The following PLEKHA2 variants were observed in gnomAD, a reference collection of about 807,000 sequenced individuals.
PLEKHA2 encodes the protein pleckstrin homology domain containing A2, also known as pleckstrin homology domain-containing family A member 2.
In PLEKHA2, 28 loss-of-function variants were observed where a neutral mutation model predicts 53.2. The ratio of observed to expected loss-of-function variants is 0.53; its 90% CI spans 0.39 to 0.72. The LOEUF is 0.72. PLEKHA2 is among the 30% of genes least tolerant of loss of function. The pLI is 0.00. For missense variants in PLEKHA2, 426 were observed against 537.9 expected, an observed-to-expected ratio of 0.79 and a Z score of 2.06; for synonymous variants, 193 against 196.4, an observed-to-expected ratio of 0.98 and a Z score of 0.14.
In PLEKHA2 at chr8:38,935,977, A is replaced by C. The variant is rs189591488; in HGVS notation, c.142-17A>C. The C allele has an allele frequency of 1.6e-3, 2,620 of 1,612,734 alleles. 7 individuals are homozygous for C. Among genetic ancestry groups the C allele is most frequent in the Non-Finnish European group, 2.1e-3 (2,478 of 1,178,980 alleles). On this transcript the variant is annotated splice_polypyrimidine_tract_variant and intron_variant, in intron 2 of 11. Coordinates refer to ENST00000617275, the MANE Select transcript of PLEKHA2 (RefSeq NM_021623.2). ...GTTTCCACAGCCTTCTTAAAATGAA[A>C]ACTATGTGTCTTTCAGAATCTGGCA...
At chr8:38,934,814 A>T (rs986283284) in intron 2 of PLEKHA2, among the ~76,000 whole-genome samples, 1 of 128,564 alleles carries the variant, frequency 7.8e-6, no homozygotes, top group Non-Finnish European at 1.7e-5. Context: ...GGCTGAACAG[A>T]TGTATATATA....
rs752553423 is a variant in PLEKHA2, at chr8:38,952,218, G to A, written c.539G>A (p.Arg180Gln). ...GAGCCCGGGTCCCACACCATCCTTC[G>A]AAGGTCTCAGAGTTACATCCCCACG... is the stretch of plus-strand genomic sequence containing the variant. ...GSEPGSHTIL[R>Q]RSQSYIPTSG... Residue 180 changes from arginine (R) to glutamine (Q), a missense_variant, in exon 7 of 12, where the codon CGA becomes CAA. Coordinates refer to ENST00000617275, the MANE Select transcript of PLEKHA2 (RefSeq NM_021623.2). 9.3e-6 allele frequency: 15 copies of A among 1,612,906 alleles called. 1 individual carries two copies. The Admixed American group carries it at 1.8e-4, about 20-fold the overall frequency.
chr8:38,957,437 G>T (rs989459044), intron 10 of PLEKHA2, 51 bp downstream of exon 10: 5 of 1,431,242 alleles, frequency 3.5e-6, no homozygotes, highest in Non-Finnish European at 4.9e-6. Context: ...TGTGAATGGT[G>T]CCCTCACAGG....
Position 38,918,553 on chromosome 8 carries a change from C to G in PLEKHA2, c.141+483C>G, listed in dbSNP as rs62643677. ...ACACACACCCCATATACACACACCA[C>G]ACACACATTATACACACACATGCAC... On this transcript the variant is annotated intron_variant, in intron 2 of 11. Coordinates refer to ENST00000617275, the MANE Select transcript of PLEKHA2 (RefSeq NM_021623.2). Among the ~76,000 whole-genome samples the G allele has an allele frequency of 8.0e-3, 714 of 89,404 alleles. 24 individuals carry two copies. The highest frequency in any genetic ancestry group is 0.029 in the Middle Eastern group (4 of 138). The allele number at this position is 89,404 out of a possible 152,430, so 58.7% of individuals were successfully genotyped here.
At position 38,969,596 on chromosome 8, in the gene PLEKHA2, G is replaced by C; in HGVS notation, c.1091G>C (p.Gly364Ala). 6.2e-7 allele frequency: 1 copy of C among 1,608,864 alleles called. No homozygotes were observed. Among genetic ancestry groups the C allele is most frequent in the Non-Finnish European group, 8.5e-7 (1 of 1,177,654 alleles). Reference protein sequence around the residue: ...WQPWTPVPQAGEKLLPPGDTS... With the variant: ...WQPWTPVPQAAEKLLPPGDTS... ...CCCTGGACACCTGTCCCCCAGGCTG[G>C]GGAGAAGCTGCTTCCACCTGGAGAC... The change falls in exon 12 of 12, where the codon GGG becomes GCG. Residue 364 changes from glycine (G) to alanine (A), a missense_variant. Transcript: ENST00000617275.
At chr8:38,902,645 T>C (rs1165575302) in intron 1 of PLEKHA2, among the ~76,000 whole-genome samples, 1 of 152,174 alleles carries the variant, frequency 6.6e-6, no homozygotes, top group Admixed American at 6.5e-5. Context: ...TCCCTTCTTT[T>C]GTCATTTTTT....
At chr8:38,965,427 A>G (rs910485405) in intron 10 of PLEKHA2, among the ~76,000 whole-genome samples, 2 of 152,138 alleles carry the variant, frequency 1.3e-5, no homozygotes, top group African/African-American at 2.4e-5. Context: ...TGATTATCGG[A>G]TTGTCATCCT....
At chr8:38,906,795 G>C (rs1833883819) in intron 1 of PLEKHA2, among the ~76,000 whole-genome samples, 1 of 152,178 alleles carries the variant, frequency 6.6e-6, no homozygotes, top group South Asian at 2.1e-4. Context: ...TACTGGGTTT[G>C]TACATTGCGA....
chr8:38,953,410 TG>T, intron 9 of PLEKHA2, 43 bp downstream of exon 9: 1 of 1,526,794 alleles, frequency 6.5e-7, no homozygotes, highest in African/African-American at 1.4e-5. Flanking sequence ...AACCTCCATT[TG>T]TCCTCTTAAA....
intron 1 of PLEKHA2, among the ~76,000 whole-genome samples, chr8:38,914,390 T>C (rs904552768): frequency 9.2e-5 from 14 of 152,232 alleles, no homozygotes; most frequent in African/African-American, 3.1e-4. Context: ...ATTAGCCTGA[T>C]CTGAATCTGC....
chr8:38,948,101 A>G (rs1337192196), intron 5 of PLEKHA2, among the ~76,000 whole-genome samples: 3 of 151,396 alleles, frequency 2.0e-5, no homozygotes, highest in East Asian at 3.9e-4. Context: ...AAAAAAAAAA[A>G]AAATTGTTAT....
chr8:38,909,659 A>C (rs898298787), intron 1 of PLEKHA2, among the ~76,000 whole-genome samples: 5 of 152,148 alleles, frequency 3.3e-5, no homozygotes, highest in Non-Finnish European at 1.5e-5. Flanking sequence ...TGGGGCTGCA[A>C]TACCTCCCAG....
At chr8:38,952,529 G>A (rs1834865033) in intron 7 of PLEKHA2, 107 bp from the exon 8 acceptor site, 2 of 1,371,926 alleles carry the variant, frequency 1.5e-6, no homozygotes, top group East Asian at 2.5e-5. Context: ...CTGAATGTGG[G>A]AGCCGGACTT....
At chr8:38,948,922 G>C (rs1448643862) in intron 5 of PLEKHA2, among the ~76,000 whole-genome samples, 1 of 152,190 alleles carries the variant, frequency 6.6e-6, no homozygotes, top group Non-Finnish European at 1.5e-5. Flanking sequence ...CCAGGCTGGA[G>C]TGCAATGGCG....
At chr8:38,934,708 C>A (rs377627345) in intron 2 of PLEKHA2, among the ~76,000 whole-genome samples, 49 of 152,254 alleles carry the variant, frequency 3.2e-4, no homozygotes, top group African/African-American at 1.1e-3. Context: ...AGACCTGGTG[C>A]CTGTGAGTCT....
chr8:38,943,709 A>C (rs1212440627), intron 3 of PLEKHA2, 80 bp from the exon 4 acceptor site: 2 of 1,103,456 alleles, frequency 1.8e-6, no homozygotes, highest in Non-Finnish European at 2.6e-6. Context: ...TACTCTTTAT[A>C]TATGAGAAAT....
chr8:38,907,816 TTTTA>T (rs1833900492), intron 1 of PLEKHA2, among the ~76,000 whole-genome samples: 1 of 138,440 alleles, frequency 7.2e-6, no homozygotes, highest in South Asian at 2.3e-4. Flanking sequence ...CAGCCACTTA[TTTTA>T]TGTATGTATG....
chr8:38,947,055 A>G (rs1177602407), intron 5 of PLEKHA2, among the ~76,000 whole-genome samples: 1 of 152,230 alleles, frequency 6.6e-6, no homozygotes, highest in Non-Finnish European at 1.5e-5. Context: ...TTGTACACGT[A>G]TATAGTATTC....
chr8:38,942,546 G>C lies in PLEKHA2; in HGVS notation c.199-1243G>C, dbSNP rs150875615. 3.7e-3 allele frequency among the ~76,000 whole-genome samples: 566 copies of C among 152,268 alleles called. 7 individuals carry two copies. Among genetic ancestry groups the C allele is most frequent in the African/African-American group, 0.013 (538 of 41,554 alleles). On this transcript the variant is annotated intron_variant, in intron 3 of 11. Coordinates refer to ENST00000617275, the MANE Select transcript of PLEKHA2 (RefSeq NM_021623.2). Reference sequence around the variant, plus strand: ...TCGAAGAATACCCTTGGCTGGAGGGGGATGGAGAGAATGGTATTCAGGGGA... The same window carrying C: ...TCGAAGAATACCCTTGGCTGGAGGGCGATGGAGAGAATGGTATTCAGGGGA...
Sources: allele counts gnomAD v4.1 joint callset (sites outside exome capture counted in the v4.1 genomes callset), GRCh38; gene constraint gnomAD v4.1.1; transcripts MANE v1.5; gene names NCBI Gene and HGNC (gene_info 2026-07-23, HGNC 2026-07-21).